The following SPHK2 variants were observed in gnomAD, a reference collection of about 807,000 sequenced individuals.
The protein encoded by SPHK2 is sphingosine kinase 2.
In SPHK2, 18 loss-of-function variants were observed where a neutral mutation model predicts 32.3. That is an observed-to-expected ratio of 0.56 (90% CI 0.39 to 0.83). The LOEUF is 0.83. Ranked by LOEUF, SPHK2 falls within the 40% of genes least tolerant of loss-of-function variation. SPHK2 has a pLI of 0.00. For synonymous variants in SPHK2, 462 were observed against 417.6 expected (o/e 1.11, Z -1.30); for missense variants, 850 against 908.7 (o/e 0.94, Z 0.83).
In SPHK2 at chr19:48,630,372, C is replaced by T. The variant is rs1453946614; in HGVS notation, c.*599C>T. On this transcript the variant is annotated 3_prime_UTR_variant, in exon 7 of 7. Coordinates refer to ENST00000245222, the MANE Select transcript of SPHK2 (RefSeq NM_020126.5). This position sits in a 1 kb window ranked among gnomAD's most constrained non-coding sequence, Gnocchi z 4.9. ...CAATCTAAAAAGCAATTGAAAAGGT[C>T]TATGCAATAAAGGCAGTCGCTTCAT... 1.5e-6 allele frequency: 2 copies of T among 1,365,226 alleles called. No individual in the cohort carries two copies. Among genetic ancestry groups the T allele is most frequent in the Admixed American group, 6.9e-5 (2 of 29,150 alleles). 84.6% of individuals were successfully genotyped at this position (1,365,226 alleles called of 1,614,324 possible). A position where few individuals can be genotyped will look rare whatever the true frequency, so the allele number is the denominator to read the frequency against.
intron 2 of SPHK2, chr19:48,623,318 G>A (rs1039056484): frequency 4.0e-5 from 6 of 151,588 alleles, no homozygotes; most frequent in African/African-American, 1.5e-4. Context: ...CTGACCTGGC[G>A]ATCCACCCGC....
Position 48,620,455 on chromosome 19 carries a change from A to G in SPHK2, c.-60A>G. 6.6e-7 allele frequency: 1 copy of G among 1,516,572 alleles called. No individual in the cohort carries two copies. Among genetic ancestry groups the G allele is most frequent in the Non-Finnish European group, 9.1e-7 (1 of 1,099,406 alleles). The allele number at this position is 1,516,572 out of a possible 1,614,324, so 93.9% of individuals were successfully genotyped here. ...CCTGACTCCTTGCTCCTACCAGCCT[A>G]CTATGGCTTAAGACCCAGGGCCAGG... On this transcript the variant is annotated 5_prime_UTR_variant, in exon 2 of 7. Coordinates refer to ENST00000245222, the MANE Select transcript of SPHK2 (RefSeq NM_020126.5).
At chr19:48,620,912 CTCCGTCTCAAA>C in intron 2 of SPHK2, 1 of 147,780 alleles carries the variant, frequency 6.8e-6, no homozygotes, top group Non-Finnish European at 1.6e-5. Flanking sequence ...CAGAGTGAGA[CTCCGTCTCAAA>C]AAAAAAAAAG....
chr19:48,630,103 T>C lies in SPHK2; in HGVS notation c.*330T>C. The C allele has an allele frequency of 2.4e-6, 3 of 1,262,932 alleles. No homozygotes were observed. The highest frequency in any genetic ancestry group is 3.0e-6 in the Non-Finnish European group (3 of 1,002,758). The allele number at this position is 1,262,932 out of a possible 1,614,324, so 78.2% of individuals were successfully genotyped here. Reference sequence around the variant, plus strand: ...CCAGGATGGCTGAGGGCGGAGTCTATTTTACGCGTCGCCCAATGACAGGAC... The same window carrying C: ...CCAGGATGGCTGAGGGCGGAGTCTACTTTACGCGTCGCCCAATGACAGGAC... On this transcript the variant is annotated 3_prime_UTR_variant, in exon 7 of 7. Coordinates refer to ENST00000245222, the MANE Select transcript of SPHK2 (RefSeq NM_020126.5). The surrounding 1 kb of genome is among the most constrained non-coding windows in gnomAD (Gnocchi z 4.9).
chr19:48,624,840 G>T, intron 2 of SPHK2: 3 of 927,712 alleles, frequency 3.2e-6, no homozygotes, highest in Non-Finnish European at 3.9e-6. Flanking sequence ...TAGGGGGGCA[G>T]ATGTAGTTCC....
chr19:48,620,405 T>C lies in SPHK2; in HGVS notation c.-110T>C. The C allele has an allele frequency of 1.1e-6, 1 of 881,430 alleles. No homozygotes were observed. Among genetic ancestry groups the C allele is most frequent in the Non-Finnish European group, 1.8e-6 (1 of 569,866 alleles). 54.6% of individuals were successfully genotyped at this position (881,430 alleles called of 1,614,324 possible). ...CTCACTTACCTCTCCTCCACAGAGC[T>C]GAAGGTCAGGCCAGGACAGTGAGAC... On this transcript the variant is annotated 5_prime_UTR_variant, in exon 2 of 7. Coordinates refer to ENST00000245222, the MANE Select transcript of SPHK2 (RefSeq NM_020126.5).
At chr19:48,622,270 AAAT>A (rs1391333904) in intron 2 of SPHK2, among the ~76,000 whole-genome samples, 6 of 145,778 alleles carry the variant, frequency 4.1e-5, no homozygotes, top group African/African-American at 1.3e-4. Context: ...AAAAAAAAAA[AAAT>A]AAAAAAAAAT....
intron 2 of SPHK2, among the ~76,000 whole-genome samples, chr19:48,622,852 G>A (rs758161502): frequency 2.8e-4 from 38 of 136,338 alleles, no homozygotes; most frequent in Non-Finnish European, 3.8e-4. Flanking sequence ...TGTAACCTCC[G>A]CCTCTTGGGT....
intron 2 of SPHK2, chr19:48,624,883 G>C (rs1974543799): frequency 1.0e-6 from 1 of 984,730 alleles, no homozygotes; most frequent in African/African-American, 1.8e-5. Context: ...GGGGGGTGGG[G>C]GGCTGTCCTG....
At chr19:48,619,973 A>G (rs1475975206) in intron 1 of SPHK2, among the ~76,000 whole-genome samples, 3 of 152,096 alleles carry the variant, frequency 2.0e-5, no homozygotes, top group African/African-American at 7.2e-5. Flanking sequence ...TTGCAAGGCT[A>G]TAACCAAATT....
chr19:48,628,452 G>A lies in SPHK2; in HGVS notation c.872+175G>A, dbSNP rs372259216. On this transcript the variant is annotated intron_variant, in intron 6 of 6. Coordinates refer to ENST00000245222, the MANE Select transcript of SPHK2 (RefSeq NM_020126.5). The surrounding 1 kb of genome is among the most constrained non-coding windows in gnomAD (Gnocchi z 5.2). ...CCTGCTTCCCAGCTGTATCCCGAGC[G>A]CCCAGAACTCTGCCTGGCATGGGAG... 5.0e-5 allele frequency: 45 copies of A among 897,826 alleles called. No homozygotes were observed. Among genetic ancestry groups the A allele is most frequent in the African/African-American group, 1.8e-4 (11 of 61,714 alleles). The allele number at this position is 897,826 out of a possible 1,614,324, so 55.6% of individuals were successfully genotyped here.
chr19:48,629,106 C>T lies in SPHK2; in HGVS notation c.1298C>T (p.Ala433Val). ...LPLPLPQPAL[A>V]SPGSPEPLPI... ...CTTCCCCTGCCCCAGCCTGCCCTGG[C>T]CTCTCCTGGCTCGCCAGAACCCCTG... is the stretch of plus-strand genomic sequence containing the variant. The change falls in exon 7 of 7, where the codon GCC becomes GTC. Residue 433 changes from alanine (A) to valine (V), a missense_variant. Around this residue, in one of 2 missense-constraint regions of SPHK2, gnomAD observed 544 missense variants for 640.0 expected, o/e 0.85. Coordinates refer to ENST00000245222, the MANE Select transcript of SPHK2 (RefSeq NM_020126.5). 1.2e-6 allele frequency: 2 copies of T among 1,613,514 alleles called. No homozygotes were observed. Among genetic ancestry groups the T allele is most frequent in the Non-Finnish European group, 1.7e-6 (2 of 1,179,850 alleles).
At position 48,620,512 on chromosome 19, in the gene SPHK2, C is replaced by A. The variant is rs1270033244; in HGVS notation, c.-3C>A. 2 of 1,612,690 alleles carry A rather than the reference C, an allele frequency of 1.2e-6. No homozygotes were observed. Among genetic ancestry groups the A allele is most frequent in the South Asian group, 2.2e-5 (2 of 90,928 alleles). On this transcript the variant is annotated 5_prime_UTR_variant, in exon 2 of 7. Transcript: ENST00000245222. ...TTGATGTAACAGAGCAGAGGACCAG[C>A]AGATGAATGGACACCTTGAAGCAGA...
In SPHK2 at chr19:48,630,230, C is replaced by T. The variant is rs541166530; in HGVS notation, c.*457C>T. On this transcript the variant is annotated 3_prime_UTR_variant, in exon 7 of 7. Transcript: ENST00000245222. This position sits in a 1 kb window ranked among gnomAD's most constrained non-coding sequence, Gnocchi z 4.9. ...GCCTCCATTTAGCTGGCCAATCAGC[C>T]CAGGAGGGGCAGGTTCCCCGGGGCC... 5.5e-6 allele frequency: 7 copies of T among 1,278,330 alleles called. No homozygotes were observed. In the African/African-American group the frequency reaches 9.2e-5, roughly 17 times the overall value. 79.2% of individuals were successfully genotyped at this position (1,278,330 alleles called of 1,614,324 possible).
At chr19:48,620,684 G>GATT in intron 2 of SPHK2, 131 bp downstream of exon 2, 3 of 759,754 alleles carry the variant, frequency 3.9e-6, no homozygotes, top group Non-Finnish European at 4.2e-6. Flanking sequence ...AGCACTCTGG[G>GATT]AGGCCAAGGC....
rs755370719 is a variant in SPHK2, at chr19:48,625,896, AGACCAGGAGCT to A, written c.50_60del (p.Gln17ArgfsTer8). ...TCTCTCCTCCCTTCCCACAGAGGCCAGACCAGGAGCTGACCGGGAGCTGGGGCCACGGGCCT... is the reference window on the plus strand; with the variant it reads ...TCTCTCCTCCCTTCCCACAGAGGCCAGACCGGGAGCTGGGGCCACGGGCCT... On this transcript the variant is annotated frameshift_variant, in exon 3 of 7. Coordinates refer to ENST00000245222, the MANE Select transcript of SPHK2 (RefSeq NM_020126.5). LOFTEE classifies it high-confidence loss of function. The A allele has an allele frequency of 1.2e-6, 2 of 1,611,954 alleles. No homozygotes were observed. Among genetic ancestry groups the A allele is most frequent in the Non-Finnish European group, 1.7e-6 (2 of 1,179,764 alleles).
At position 48,629,426 on chromosome 19, in the gene SPHK2, C is replaced by T. The variant is rs1370310777; in HGVS notation, c.1618C>T (p.Leu540Phe). 5.6e-6 allele frequency: 9 copies of T among 1,610,796 alleles called. No homozygotes were observed. Among genetic ancestry groups the T allele is most frequent in the Non-Finnish European group, 7.6e-6 (9 of 1,179,294 alleles). ...DWVTLEGDFV[L>F]MLAISPSHLG... ...GGTGACGCTGGAGGGGGACTTTGTG[C>T]TCATGTTGGCCATCTCGCCCAGCCA... Residue 540 changes from leucine (L) to phenylalanine (F), a missense_variant, in exon 7 of 7, where the codon CTC becomes TTC. This residue lies in a region of SPHK2 where 306 missense variants were observed against 268.6 expected (regional missense o/e 1.14). Coordinates refer to ENST00000245222, the MANE Select transcript of SPHK2 (RefSeq NM_020126.5).
intron 2 of SPHK2, chr19:48,624,701 G>A (rs1974536698): frequency 6.2e-6 from 1 of 162,140 alleles, no homozygotes; most frequent in African/African-American, 2.4e-5. Context: ...CCCAGGGACA[G>A]AGACCCAGGC....
intron 1 of SPHK2, chr19:48,619,769 C>T (rs1251610780): frequency 6.5e-6 from 1 of 153,978 alleles, no homozygotes; most frequent in Non-Finnish European, 1.4e-5. Flanking sequence ...TTCTCCTTCT[C>T]CCCCGGCCCC....
Sources: allele counts gnomAD v4.1 joint callset (sites outside exome capture counted in the v4.1 genomes callset), GRCh38; gene constraint gnomAD v4.1.1; regional missense constraint gnomAD v4.1.1; non-coding constraint Gnocchi (gnomAD v3.1); transcripts MANE v1.5; gene names NCBI Gene and HGNC (gene_info 2026-07-23, HGNC 2026-07-21).